Variants in UBE3D observed in about 807,000 individuals in gnomAD.
UBE3D encodes E3 ubiquitin-protein ligase E3D.
A neutral mutation model predicts 49.6 loss-of-function variants in UBE3D; 48 were observed. That is an observed-to-expected ratio of 0.97 (90% CI 0.77 to 1.23). The LOEUF is 1.23. UBE3D is among the 50% of genes most tolerant of loss of function. UBE3D has a pLI of 0.00. For missense variants in UBE3D, 452 were observed against 468.4 expected (o/e 0.96, Z 0.32); for synonymous variants, 189 against 174.2 (o/e 1.08, Z -0.67).
At chr6:82,943,061 C>T (rs1775131813) in intron 9 of UBE3D, among the ~76,000 whole-genome samples, 1 of 152,236 alleles carries the variant, frequency 6.6e-6, no homozygotes, top group South Asian at 2.1e-4. Context: ...CACCTCTTGC[C>T]TCAGCATGAC....
chr6:82,981,726 T>C lies in UBE3D; in HGVS notation c.1011-24276A>G, dbSNP rs575185710. 9.2e-5 allele frequency among the ~76,000 whole-genome samples: 14 copies of C among 152,226 alleles called. No individual in the cohort carries two copies. The East Asian group carries it at 2.7e-3, about 29-fold the overall frequency. On this transcript the variant is annotated intron_variant, in intron 8 of 9. Coordinates refer to ENST00000369747, the MANE Select transcript of UBE3D (RefSeq NM_198920.3). ...AGAACATTCTTCTAGTTCTAAAGAA[T>C]TGCCTTAGAAAAAAGCTTTTGGAAT...
chr6:82,994,856 C>T lies in UBE3D; in HGVS notation c.1010+24117G>A, dbSNP rs781657712. On this transcript the variant is annotated intron_variant, in intron 8 of 9. Transcript: ENST00000369747. Reference sequence around the variant, plus strand: ...ATTTGCCAGGAATGGTAATGAGTTTCTTCTACCTTGAGCATACTGAATTTG... The same window carrying T: ...ATTTGCCAGGAATGGTAATGAGTTTTTTCTACCTTGAGCATACTGAATTTG... Among the ~76,000 whole-genome samples, 5 of 152,170 alleles carry T rather than the reference C, an allele frequency of 3.3e-5. No individual in the cohort carries two copies. In the East Asian group the frequency reaches 5.8e-4, roughly 18 times the overall value.
At chr6:82,983,506 A>G (rs978147637) in intron 8 of UBE3D, among the ~76,000 whole-genome samples, 1 of 152,008 alleles carries the variant, frequency 6.6e-6, no homozygotes, top group African/African-American at 2.4e-5. Flanking sequence ...GGGTTAGTCA[A>G]TACTTTTAGG....
intron 9 of UBE3D, among the ~76,000 whole-genome samples, chr6:82,952,080 G>C (rs6908919): frequency 0.16 from 24,347 of 152,054 alleles, 1,987 homozygotes; most frequent in South Asian, 0.17. Context: ...TACCCCTTAA[G>C]CACATGCAAG....
At chr6:82,892,178 G>A (rs1770998450), downstream of UBE3D, among the ~76,000 whole-genome samples, 1 of 152,220 alleles carries the variant, frequency 6.6e-6, no homozygotes, top group African/African-American at 2.4e-5. Context: ...GGATGTCAGA[G>A]AGAGATGGAT....
intron 8 of UBE3D, among the ~76,000 whole-genome samples, chr6:82,997,547 G>A (rs1350853766): frequency 3.9e-5 from 6 of 152,094 alleles, no homozygotes; most frequent in Admixed American, 6.6e-5. Context: ...GTGAAACCCC[G>A]TCTCTACTAA....
At chr6:82,910,688 C>A (rs1582313118) in intron 9 of UBE3D, among the ~76,000 whole-genome samples, 2 of 151,980 alleles carry the variant, frequency 1.3e-5, no homozygotes, top group Middle Eastern at 3.2e-3. Flanking sequence ...TTCTTTCTTT[C>A]ACAAAAGCTG....
chr6:82,926,241 T>C (rs747932925), intron 9 of UBE3D, among the ~76,000 whole-genome samples: 51 of 152,262 alleles, frequency 3.3e-4, no homozygotes, highest in Non-Finnish European at 6.6e-4. Flanking sequence ...TAGACTGGCT[T>C]TTTTCACCTA....
chr6:83,037,253 A>C (rs1782329022), intron 5 of UBE3D: 1 of 152,214 alleles, frequency 6.6e-6, no homozygotes, highest in African/African-American at 2.4e-5. Flanking sequence ...CAGACACCAA[A>C]GCTGCAGCTC....
intron 5 of UBE3D, among the ~76,000 whole-genome samples, chr6:83,034,036 C>G (rs930480123): frequency 6.6e-6 from 1 of 152,204 alleles, no homozygotes; most frequent in Admixed American, 6.5e-5. Context: ...TTAAATAGTT[C>G]TCAAATTGTT....
intron 9 of UBE3D, among the ~76,000 whole-genome samples, chr6:82,908,607 TG>T (rs1469627685): frequency 1.3e-5 from 2 of 152,060 alleles, no homozygotes; most frequent in Non-Finnish European, 2.9e-5. Flanking sequence ...GGTTGAAGAT[TG>T]GGGGAAAAAA....
chr6:83,043,874 T>C (rs1393375883), intron 4 of UBE3D, among the ~76,000 whole-genome samples: 2 of 152,160 alleles, frequency 1.3e-5, no homozygotes, highest in Non-Finnish European at 2.9e-5. Context: ...CCAAAGCAAC[T>C]TATGCAGCAA....
At position 82,957,349 on chromosome 6, in the gene UBE3D, T is replaced by C. The variant is rs369538557; in HGVS notation, c.1112A>G (p.Asn371Ser). 1.7e-5 allele frequency: 28 copies of C among 1,613,998 alleles called. No individual in the cohort carries two copies. The highest frequency in any genetic ancestry group is 5.0e-5 in the Admixed American group (3 of 59,964). ...CACACGGCGAAGGGATGAAGGCAGA[T>C]TGGCATTACTCTTTGACAATATCAA... ...LLLILSKSNANLPSSLRRVNS... is the reference protein window; with the variant it reads ...LLLILSKSNASLPSSLRRVNS... Residue 371 changes from asparagine to serine, a missense_variant, in exon 9 of 10, where the codon AAT (asparagine) becomes AGT (serine). Transcript: ENST00000369747.
intron 8 of UBE3D, among the ~76,000 whole-genome samples, chr6:82,994,416 A>G (rs546387479): frequency 1.3e-5 from 2 of 152,332 alleles, no homozygotes; most frequent in South Asian, 4.1e-4. Flanking sequence ...CTGATTGGAC[A>G]TGACAGAGAG....
downstream of UBE3D, among the ~76,000 whole-genome samples, chr6:82,888,431 A>G (rs570688913): frequency 1.3e-4 from 20 of 152,256 alleles, no homozygotes; most frequent in Non-Finnish European, 2.6e-4. Flanking sequence ...AAATAGTTTT[A>G]ATCTATGAAA....
intron 9 of UBE3D, among the ~76,000 whole-genome samples, chr6:82,935,731 T>C (rs572102397): frequency 6.6e-6 from 1 of 152,226 alleles, no homozygotes; most frequent in South Asian, 2.1e-4. Flanking sequence ...AGCTGTCTTA[T>C]CAACAAAAAT....
intron 8 of UBE3D, among the ~76,000 whole-genome samples, chr6:83,006,876 TTAAAAATGG>T (rs1226677262): frequency 2.0e-4 from 31 of 152,276 alleles, no homozygotes; most frequent in African/African-American, 6.7e-4. Context: ...AAATATACAC[TTAAAAATGG>T]TTAAAATGGT....
intron 8 of UBE3D, among the ~76,000 whole-genome samples, chr6:82,995,879 C>A (rs1288801934): frequency 1.3e-5 from 2 of 151,994 alleles, no homozygotes; most frequent in African/African-American, 2.4e-5. Flanking sequence ...CCAGCCTGGC[C>A]AACATGAGGA....
intron 1 of UBE3D, among the ~76,000 whole-genome samples, chr6:83,059,652 T>C (rs1428729798): frequency 6.6e-6 from 1 of 152,164 alleles, no homozygotes; most frequent in Non-Finnish European, 1.5e-5. Context: ...CCAAAAACTT[T>C]AGTCATTTTA....
Sources: gnomAD v4.1 joint callset for allele counts (sites outside exome capture counted in the v4.1 genomes callset) on GRCh38, gnomAD v4.1.1 for gene constraint, MANE v1.5 for transcripts, NCBI Gene and HGNC (gene_info 2026-07-23, HGNC 2026-07-21) for gene names.